The following ANKRD6 variants were observed in gnomAD, a reference collection of about 807,000 sequenced individuals.
ANKRD6 encodes the protein ankyrin repeat domain-containing protein 6.
ANKRD6 carries 56 observed loss-of-function variants against 82.3 expected under a neutral mutation model. The ratio of observed to expected loss-of-function variants is 0.68; its 90% CI spans 0.55 to 0.85. ANKRD6 has a LOEUF of 0.85. ANKRD6 is among the 40% of genes least tolerant of loss of function. The pLI is 0.00. For synonymous variants in ANKRD6, 347 were observed against 352.1 expected (o/e 0.99, Z 0.16); for missense variants, 852 against 907.6 (o/e 0.94, Z 0.79).
chr6:89,548,566 A>G (rs1201073569), intron 1 of ANKRD6, among the ~76,000 whole-genome samples: 1 of 152,248 alleles, frequency 6.6e-6, no homozygotes, highest in Non-Finnish European at 1.5e-5. Flanking sequence ...TTACTGAGTC[A>G]TATGGTAACT....
intron 1 of ANKRD6, among the ~76,000 whole-genome samples, chr6:89,485,411 G>T (rs1277419957): frequency 6.6e-6 from 1 of 152,216 alleles, no homozygotes; most frequent in African/African-American, 2.4e-5. Context: ...TACTGATATG[G>T]CTCAAAAGCA....
intron 5 of ANKRD6, among the ~76,000 whole-genome samples, chr6:89,606,973 C>T (rs568088107): frequency 6.6e-6 from 1 of 152,050 alleles, no homozygotes; most frequent in Non-Finnish European, 1.5e-5. Flanking sequence ...CATTCAAGAC[C>T]AGCCTGGCCA....
intron 1 of ANKRD6, among the ~76,000 whole-genome samples, chr6:89,499,319 G>A (rs1359915429): frequency 6.6e-6 from 1 of 152,140 alleles, no homozygotes; most frequent in Non-Finnish European, 1.5e-5. Context: ...ATTCATATGG[G>A]CGAAAAAGAA....
At chr6:89,570,684 G>A (rs1319908020) in intron 2 of ANKRD6, among the ~76,000 whole-genome samples, 4 of 152,272 alleles carry the variant, frequency 2.6e-5, no homozygotes, top group East Asian at 3.9e-4. Context: ...TGCACTTAGC[G>A]TGTTTTCAAG....
At chr6:89,477,134 C>T (rs986621720) in intron 1 of ANKRD6, among the ~76,000 whole-genome samples, 8 of 151,960 alleles carry the variant, frequency 5.3e-5, no homozygotes, top group Middle Eastern at 3.4e-3. Flanking sequence ...TTAGTAGAGA[C>T]GGGGTTTCAC....
At chr6:89,498,994 T>C (rs1778960651) in intron 1 of ANKRD6, among the ~76,000 whole-genome samples, 1 of 152,152 alleles carries the variant, frequency 6.6e-6, no homozygotes, top group Non-Finnish European at 1.5e-5. Context: ...ACTGGAAATC[T>C]CAATGTTCAA....
intron 1 of ANKRD6, among the ~76,000 whole-genome samples, chr6:89,537,081 G>A (rs562950405): frequency 6.6e-6 from 1 of 152,198 alleles, no homozygotes; most frequent in Non-Finnish European, 1.5e-5. Flanking sequence ...TACTGTGTGT[G>A]TGTACAGAAA....
intron 1 of ANKRD6, among the ~76,000 whole-genome samples, chr6:89,522,073 G>A (rs2127970404): frequency 6.6e-6 from 1 of 152,256 alleles, no homozygotes; most frequent in South Asian, 2.1e-4. Flanking sequence ...AGAACTCCTT[G>A]CCAGTGTATA....
At chr6:89,454,465 T>C (rs1019341962) in intron 1 of ANKRD6, among the ~76,000 whole-genome samples, 26 of 152,240 alleles carry the variant, frequency 1.7e-4, no homozygotes, top group African/African-American at 6.3e-4. Context: ...GTGCAAGAAC[T>C]GAATAACAGA....
intron 1 of ANKRD6, among the ~76,000 whole-genome samples, chr6:89,444,001 G>A (rs375362387): frequency 7.9e-5 from 12 of 152,176 alleles, no homozygotes; most frequent in African/African-American, 2.4e-4. Context: ...GGTTTATATC[G>A]GAGCTCAGTT....
chr6:89,623,442 T>A lies in ANKRD6; in HGVS notation c.930T>A (p.Ser310Arg), dbSNP rs201644644. The part of the protein sequence containing the change: ...GSVSAGDTPS[S>R]EQAVARKEEA... ...TCTCAGCAGGAGACACCCCCAGCAG[T>A]GAACAGGCTGTGGCCAGAAAAGAAG... Residue 310 changes from serine to arginine, a missense_variant, in exon 11 of 16, where the codon AGT becomes AGA. By Grantham distance (110) the Ser-to-Arg change is moderately radical. Transcript: ENST00000339746. The A allele has an allele frequency of 4.7e-4, 759 of 1,611,510 alleles. 2 individuals carry two copies. The highest frequency in any genetic ancestry group is 6.2e-4 in the Non-Finnish European group (728 of 1,178,856).
intron 2 of ANKRD6, among the ~76,000 whole-genome samples, chr6:89,588,994 C>CAA (rs34892881): frequency 0.011 from 508 of 47,210 alleles, 4 homozygotes; most frequent in South Asian, 0.02. Flanking sequence ...GACTCTGTCT[C>CAA]AAAAAAAAAA....
intron 1 of ANKRD6, among the ~76,000 whole-genome samples, chr6:89,510,295 T>C (rs1397106878): frequency 6.6e-6 from 1 of 152,228 alleles, no homozygotes; most frequent in Non-Finnish European, 1.5e-5. Context: ...TTAGCCTATC[T>C]TGAGTCACAT....
At chr6:89,532,877 AT>A (rs61548190) in intron 1 of ANKRD6, among the ~76,000 whole-genome samples, 3,876 of 123,084 alleles carry the variant, frequency 0.031, 61 homozygotes, top group African/African-American at 0.067. Flanking sequence ...GATTTTTTGT[AT>A]TTTTTTTTTT....
In ANKRD6 at chr6:89,574,374, T is replaced by C. The variant is rs530029863; in HGVS notation, c.120+7278T>C. Among the ~76,000 whole-genome samples the C allele has an allele frequency of 1.8e-4, 27 of 152,314 alleles. No individual in the cohort carries two copies. In the East Asian group the frequency reaches 4.4e-3, roughly 25 times the overall value. ...CCTGAGGAACAAAATCATCCCCGCC[T>C]CAGAACCATGGATTAGGCCAATCAT... On this transcript the variant is annotated intron_variant, in intron 2 of 15. Coordinates refer to ENST00000339746, the MANE Select transcript of ANKRD6 (RefSeq NM_001242809.2).
chr6:89,609,183 C>T (rs1222712261), intron 5 of ANKRD6, among the ~76,000 whole-genome samples: 1 of 152,234 alleles, frequency 6.6e-6, no homozygotes, highest in Non-Finnish European at 1.5e-5. Flanking sequence ...GGTCTGAGAG[C>T]AGCAAGCTAC....
At chr6:89,470,583 T>A (rs535347645) in intron 1 of ANKRD6, among the ~76,000 whole-genome samples, 1 of 152,182 alleles carries the variant, frequency 6.6e-6, no homozygotes, top group Non-Finnish European at 1.5e-5. Flanking sequence ...ATCGTGCCAC[T>A]GCAGCCTAGG....
chr6:89,584,134 G>A (rs1448576658), intron 2 of ANKRD6, among the ~76,000 whole-genome samples: 2 of 152,220 alleles, frequency 1.3e-5, no homozygotes, highest in African/African-American at 4.8e-5. Context: ...GCACAGCTGG[G>A]TGTCAGCGTT....
At chr6:89,591,126 GA>G (rs1794813782) in intron 2 of ANKRD6, among the ~76,000 whole-genome samples, 1 of 151,982 alleles carries the variant, frequency 6.6e-6, no homozygotes, top group Non-Finnish European at 1.5e-5. Context: ...TTTTTAAGGA[GA>G]AGGTCTTATT....
Sources: gnomAD v4.1 joint callset for allele counts (sites outside exome capture counted in the v4.1 genomes callset) on GRCh38, gnomAD v4.1.1 for gene constraint, MANE v1.5 for transcripts, NCBI Gene and HGNC (gene_info 2026-07-23, HGNC 2026-07-21) for gene names.